Variants in KLHL42 observed in about 807,000 individuals in gnomAD.
The protein encoded by KLHL42 is kelch like family member 42.
In KLHL42, 27 loss-of-function variants were observed where a neutral mutation model predicts 32.7. The ratio of observed to expected loss-of-function variants is 0.83; its 90% CI spans 0.61 to 1.14. The LOEUF (loss-of-function observed/expected upper bound fraction) is 1.14, where lower values mean the gene tolerates loss of function less well. Among genes scored for constraint, KLHL42 ranks in the 50% most tolerant of loss-of-function variants. KLHL42 has a pLI of 0.00. For missense variants in KLHL42, 491 were observed against 560.8 expected (o/e 0.88, Z 1.26); for synonymous variants, 267 against 248.2 (o/e 1.08, Z -0.71).
Position 27,800,412 on chromosome 12 carries a change from A to T in KLHL42, c.*2246A>T, listed in dbSNP as rs2062241332. The T allele has an allele frequency of 1.0e-6, 1 of 983,792 alleles. No individual in the cohort carries two copies. Among genetic ancestry groups the T allele is most frequent in the Non-Finnish European group, 1.2e-6 (1 of 828,712 alleles). 60.9% of individuals were successfully genotyped at this position (983,792 alleles called of 1,614,324 possible). On this transcript the variant is annotated 3_prime_UTR_variant, in exon 3 of 3. Coordinates refer to ENST00000381271, the MANE Select transcript of KLHL42 (RefSeq NM_020782.2). ...ATAGCTCTCTTTAAGACAGACATCT[A>T]AAAAGATTTTGGTTATTCTGGGCTG...
chr12:27,784,129 TTTTG>T lies in KLHL42; in HGVS notation c.872+2931_872+2934del, dbSNP rs1178806295. ...AGGGCAAAGTGTATGTGTTTTTTTTTTTTGTTTTTGTTTTTTTTTTTTGGGGACG... is the reference window on the plus strand; with the variant it reads ...AGGGCAAAGTGTATGTGTTTTTTTTTTTTTTGTTTTTTTTTTTTGGGGACG... On this transcript the variant is annotated intron_variant, in intron 1 of 2. Transcript: ENST00000381271. 3.8e-4 allele frequency among the ~76,000 whole-genome samples: 56 copies of T among 147,964 alleles called. 1 individual carries two copies. In the East Asian group the frequency reaches 0.01, roughly 27 times the overall value.
rs1300000290 is a variant in KLHL42 at position 27,802,839 on chromosome 12, A to T, written c.*4673A>T. On this transcript the variant is annotated 3_prime_UTR_variant, in exon 3 of 3. Coordinates refer to ENST00000381271, the MANE Select transcript of KLHL42 (RefSeq NM_020782.2). ...AGGGAAAGTGATAATCTGTAGAATG[A>T]ATAGTTATGTTTTGATATGACTGAT... 1 of 152,520 alleles carries T rather than the reference A, an allele frequency of 6.6e-6. No homozygotes were observed. Among genetic ancestry groups the T allele is most frequent in the Non-Finnish European group, 1.5e-5 (1 of 68,046 alleles). 9.4% of individuals were successfully genotyped at this position (152,520 alleles called of 1,614,324 possible). A position where few individuals can be genotyped will look rare whatever the true frequency, so the allele number is the denominator to read the frequency against.
intron 1 of KLHL42, chr12:27,787,734 T>C (rs144868595): frequency 2.6e-5 from 4 of 152,224 alleles, no homozygotes; most frequent in African/African-American, 4.8e-5. Flanking sequence ...AATAAACAAG[T>C]GTCTCCTGGC....
At chr12:27,795,084 C>G (rs1279443232) in intron 2 of KLHL42, among the ~76,000 whole-genome samples, 4 of 152,026 alleles carry the variant, frequency 2.6e-5, no homozygotes, top group Non-Finnish European at 4.4e-5. Context: ...TGTGTCTTTT[C>G]TTCTAGGAAA....
chr12:27,795,247 G>A (rs1278127603), intron 2 of KLHL42, among the ~76,000 whole-genome samples: 3 of 152,150 alleles, frequency 2.0e-5, no homozygotes, highest in East Asian at 3.8e-4. Flanking sequence ...ACTGACAGGC[G>A]GCACTGTAAC....
At chr12:27,786,453 CAG>C (rs1178634251) in intron 1 of KLHL42, among the ~76,000 whole-genome samples, 1 of 152,122 alleles carries the variant, frequency 6.6e-6, no homozygotes, top group Non-Finnish European at 1.5e-5. Context: ...AAACCTAGCA[CAG>C]AGTTTTTCCT....
intron 1 of KLHL42, among the ~76,000 whole-genome samples, chr12:27,791,253 C>T (rs1225732624): frequency 1.3e-5 from 2 of 152,142 alleles, no homozygotes; most frequent in African/African-American, 4.8e-5. Flanking sequence ...TCGCACCTGC[C>T]TGTCTCGACA....
intron 2 of KLHL42, among the ~76,000 whole-genome samples, chr12:27,792,514 T>C (rs1175075831): frequency 1.3e-5 from 2 of 152,154 alleles, no homozygotes; most frequent in Non-Finnish European, 2.9e-5. Flanking sequence ...ACTATCTATT[T>C]ATTTGTTTAT....
chr12:27,792,033 A>C, intron 2 of KLHL42, 132 bp downstream of exon 2: 1 of 684,160 alleles, frequency 1.5e-6, no homozygotes, highest in South Asian at 1.9e-5. Flanking sequence ...ACACTTACAC[A>C]TCTGGAAGGA....
intron 1 of KLHL42, among the ~76,000 whole-genome samples, chr12:27,788,871 T>C (rs2062184682): frequency 6.6e-6 from 1 of 152,244 alleles, no homozygotes; most frequent in Admixed American, 6.5e-5. Flanking sequence ...GAAATTCTTC[T>C]TTTTACCTCG....
intron 2 of KLHL42, chr12:27,797,278 T>A: frequency 2.2e-6 from 1 of 457,260 alleles, no homozygotes; most frequent in Non-Finnish European, 4.4e-6. Flanking sequence ...TTGCTACTTG[T>A]CATGTTTCTT....
intron 1 of KLHL42, among the ~76,000 whole-genome samples, chr12:27,782,699 T>C (rs1591813310): frequency 6.6e-6 from 1 of 152,092 alleles, no homozygotes; most frequent in South Asian, 2.1e-4. Context: ...CTCACACTTC[T>C]TTCTTCCCTT....
intron 1 of KLHL42, among the ~76,000 whole-genome samples, chr12:27,789,470 T>C (rs1434289529): frequency 6.6e-6 from 1 of 152,164 alleles, no homozygotes; most frequent in Admixed American, 6.5e-5. Flanking sequence ...CGTGTTGGGG[T>C]CTGGAGAGAT....
chr12:27,784,837 ATTC>A (rs2140813967), intron 1 of KLHL42, among the ~76,000 whole-genome samples: 1 of 152,312 alleles, frequency 6.6e-6, no homozygotes, highest in Admixed American at 6.5e-5. Context: ...AAGAGAGATT[ATTC>A]TTTTTATATG....
At position 27,802,486 on chromosome 12, in the gene KLHL42, TGA is replaced by T. The variant is rs1316472310; in HGVS notation, c.*4325_*4326del. On this transcript the variant is annotated 3_prime_UTR_variant, in exon 3 of 3. Transcript: ENST00000381271. Reference sequence around the variant, plus strand: ...TTTTCATCCTTAGATTTTATTCACATGAGAGATTTTTTTTATTTTCTCTGTTG... The same window carrying T: ...TTTTCATCCTTAGATTTTATTCACATGAGATTTTTTTTATTTTCTCTGTTG... 6.6e-6 allele frequency: 1 copy of T among 152,650 alleles called. No homozygotes were observed. The highest frequency in any genetic ancestry group is 2.4e-5 in the African/African-American group (1 of 41,460). 9.5% of individuals were successfully genotyped at this position (152,650 alleles called of 1,614,324 possible). A position where few individuals can be genotyped will look rare whatever the true frequency, so the allele number is the denominator to read the frequency against.
Position 27,784,120 on chromosome 12 carries a change from G to GGT in KLHL42, c.872+2918_872+2919insGT, listed in dbSNP as rs2062160920. Among the ~76,000 whole-genome samples the GGT allele has an allele frequency of 3.0e-5, 4 of 131,180 alleles. No individual in the cohort carries two copies. The East Asian group carries it at 9.0e-4, about 30-fold the overall frequency. The allele number at this position is 131,180 out of a possible 152,430, so 86.1% of individuals were successfully genotyped here. On this transcript the variant is annotated intron_variant, in intron 1 of 2. Transcript: ENST00000381271. ...TGGATAGGTAGGGCAAAGTGTATGT[G>GGT]TTTTTTTTTTTTGTTTTTGTTTTTT...
rs192410491 is a variant in KLHL42, at chr12:27,799,836, C to T, written c.*1670C>T. 2.2e-5 allele frequency: 6 copies of T among 273,538 alleles called. No individual in the cohort carries two copies. In the East Asian group the frequency reaches 1.1e-3, roughly 48 times the overall value. The allele number at this position is 273,538 out of a possible 1,614,324, so 16.9% of individuals were successfully genotyped here. A position where few individuals can be genotyped will look rare whatever the true frequency, so the allele number is the denominator to read the frequency against. ...AGAAACAGATCTTTGTATCTTGTCA[C>T]CAAATAATCTTACCTCTAGTCTACT... On this transcript the variant is annotated 3_prime_UTR_variant, in exon 3 of 3. Transcript: ENST00000381271.
At position 27,780,715 on chromosome 12, in the gene KLHL42, A is replaced by G; in HGVS notation, c.385A>G (p.Asn129Asp). Residue 129 changes from asparagine to aspartate, a missense_variant, in exon 1 of 3, where the codon AAC (asparagine) becomes GAC (aspartate). Transcript: ENST00000381271. The surrounding 1 kb of genome is among the most constrained non-coding windows in gnomAD (Gnocchi z 8.8). Reference sequence around the variant, plus strand: ...GCTGCTGTCCCAGGTGCGGCTCAATAACTGCCTGGAGATGTACCGCCTGGC... The same window carrying G: ...GCTGCTGTCCCAGGTGCGGCTCAATGACTGCCTGGAGATGTACCGCCTGGC... ...QLLLSQVRLN[N>D]CLEMYRLAQV... 1 of 1,612,088 alleles carries G rather than the reference A, an allele frequency of 6.2e-7. No individual in the cohort carries two copies. The highest frequency in any genetic ancestry group is 8.5e-7 in the Non-Finnish European group (1 of 1,179,094).
Position 27,797,860 on chromosome 12 carries a change from G to T in KLHL42, c.1212G>T (p.Gly404=), listed in dbSNP as rs1206518155. 3.8e-6 allele frequency: 3 copies of T among 780,360 alleles called. No homozygotes were observed. Among genetic ancestry groups the T allele is most frequent in the Non-Finnish European group, 7.2e-6 (3 of 417,594 alleles). The allele number at this position is 780,360 out of a possible 1,614,324, so 48.3% of individuals were successfully genotyped here. A position where few individuals can be genotyped will look rare whatever the true frequency, so the allele number is the denominator to read the frequency against. ...TGGGGGGGTGTCTCCACGAGCTGGG[G>T]CCCAACCGCAGGAGCAGCCAGAGCG... ...YIVGGCLHEL[G]PNRRSSQSED... The change falls in exon 3 of 3, where the codon GGG becomes GGT. Residue 404 remains glycine (G), a synonymous_variant. Transcript: ENST00000381271.
Sources: gnomAD v4.1 joint callset for allele counts (sites outside exome capture counted in the v4.1 genomes callset) on GRCh38, gnomAD v4.1.1 for gene constraint, Gnocchi (gnomAD v3.1) non-coding constraint, MANE v1.5 for transcripts, NCBI Gene and HGNC (gene_info 2026-07-23, HGNC 2026-07-21) for gene names.